RUNX2: variants seen among roughly 807,000 people sequenced by gnomAD.
RUNX2 encodes RUNX family transcription factor 2.
A neutral mutation model predicts 51.7 loss-of-function variants in RUNX2; 10 were observed. The ratio of observed to expected loss-of-function variants is 0.19; its 90% confidence interval spans 0.12 to 0.33. RUNX2 has a LOEUF of 0.33. RUNX2 is among the 10% of genes least tolerant of loss of function. The pLI is 1.00. For missense variants in RUNX2, 562 were observed against 691.3 expected (o/e 0.81, Z 2.10); for synonymous variants, 276 against 273.6 (o/e 1.01, Z -0.09).
Position 45,454,720 on chromosome 6 carries a change from G to C in RUNX2, c.685+16669G>C, listed in dbSNP as rs79643865. 6.4e-3 allele frequency among the ~76,000 whole-genome samples: 971 copies of C among 152,254 alleles called. 9 individuals carry two copies. Among genetic ancestry groups the C allele is most frequent in the African/African-American group, 0.022 (909 of 41,534 alleles). On this transcript the variant is annotated intron_variant, in intron 5 of 8. Coordinates refer to ENST00000647337, the MANE Select transcript of RUNX2 (RefSeq NM_001024630.4). ...TATGTACTTTTGTTACAGCAATGAG[G>C]TCCTCCAGCTGAACCATAGCTGAGT...
intron 2 of RUNX2, among the ~76,000 whole-genome samples, chr6:45,348,674 C>CAA (rs574845659): frequency 1.5e-3 from 115 of 75,984 alleles, no homozygotes; most frequent in Middle Eastern, 8.1e-3. Context: ...AACTCCAACT[C>CAA]AAAAAAAAAA....
chr6:45,379,446 G>C (rs150991334), intron 2 of RUNX2, among the ~76,000 whole-genome samples: 131 of 152,296 alleles, frequency 8.6e-4, no homozygotes, highest in African/African-American at 3.1e-3. Flanking sequence ...ATTATGTTCA[G>C]TTAATGTTAT....
At chr6:45,440,507 G>A (rs746617160) in intron 5 of RUNX2, among the ~76,000 whole-genome samples, 4 of 152,210 alleles carry the variant, frequency 2.6e-5, no homozygotes, top group Admixed American at 2.6e-4. Flanking sequence ...TCTGTGGGCC[G>A]TATGGTGGTC....
At chr6:45,429,430 T>C (rs764127591) in intron 3 of RUNX2, among the ~76,000 whole-genome samples, 1 of 152,220 alleles carries the variant, frequency 6.6e-6, no homozygotes, top group Non-Finnish European at 1.5e-5. Context: ...TTTGGCATGG[T>C]GAATTTGAAA....
intron 5 of RUNX2, among the ~76,000 whole-genome samples, chr6:45,483,921 C>T (rs1687498904): frequency 6.6e-6 from 1 of 152,184 alleles, no homozygotes; most frequent in African/African-American, 2.4e-5. Flanking sequence ...AGTGACAACG[C>T]ATATTGCGAC....
chr6:45,446,638 G>C (rs1023751567), intron 5 of RUNX2, among the ~76,000 whole-genome samples: 18 of 151,846 alleles, frequency 1.2e-4, no homozygotes, highest in Admixed American at 1.1e-3. Flanking sequence ...CCAGTGAATA[G>C]GACATACTTA....
At position 45,425,233 on chromosome 6, in the gene RUNX2, T is replaced by TC. The variant is rs1229544144; in HGVS notation, c.423+2277dup. ...ATATTTAAGGTCTATCTTGAACTGT[T>TC]CTCTTGCATTTATGCGGCTGAATTG... On this transcript the variant is annotated intron_variant, in intron 3 of 8. Transcript: ENST00000647337. Among the ~76,000 whole-genome samples the TC allele has an allele frequency of 3.9e-5, 6 of 152,246 alleles. No homozygotes were observed. In the East Asian group the frequency reaches 1.2e-3, roughly 29 times the overall value.
Position 45,422,864 on chromosome 6 carries a change from G to A in RUNX2, c.330G>A (p.Pro110=), listed in dbSNP as rs907679511. ...RTMVEIIADH[P]AELVRTDSPN... Reference sequence around the variant, plus strand: ...TGGTGGAGATCATCGCCGACCACCCGGCCGAACTCGTCCGCACCGACAGCC... The same window carrying A: ...TGGTGGAGATCATCGCCGACCACCCAGCCGAACTCGTCCGCACCGACAGCC... Residue 110 remains proline, a synonymous_variant, in exon 3 of 9, where the codon CCG becomes CCA. Coordinates refer to ENST00000647337, the MANE Select transcript of RUNX2 (RefSeq NM_001024630.4). The A allele has an allele frequency of 1.9e-6, 3 of 1,611,728 alleles. No homozygotes were observed. Among genetic ancestry groups the A allele is most frequent in the South Asian group, 2.2e-5 (2 of 91,026 alleles).
rs191996120 is a variant in RUNX2 at position 45,548,776 on chromosome 6, C to T, written c.*1471C>T. On this transcript the variant is annotated 3_prime_UTR_variant, in exon 9 of 9. Transcript: ENST00000647337. ...CACCTAGTACAGGAGAGCAAAATTG[C>T]ACCAGAGATTCTTAACCAACCAGCC... 2.9e-4 allele frequency: 53 copies of T among 185,922 alleles called. No individual in the cohort carries two copies. The highest frequency in any genetic ancestry group is 1.2e-3 in the African/African-American group (52 of 43,010). 11.5% of individuals were successfully genotyped at this position (185,922 alleles called of 1,614,324 possible). A position where few individuals can be genotyped will look rare whatever the true frequency, so the allele number is the denominator to read the frequency against.
At chr6:45,400,640 C>T (rs923776560) in intron 2 of RUNX2, among the ~76,000 whole-genome samples, 5 of 152,166 alleles carry the variant, frequency 3.3e-5, no homozygotes, top group African/African-American at 7.2e-5. Flanking sequence ...AATTTGGGTT[C>T]TTCCCATTGT....
chr6:45,421,233 A>C (rs1798178685), intron 2 of RUNX2: 2 of 152,210 alleles, frequency 1.3e-5, no homozygotes, highest in Admixed American at 1.3e-4. Context: ...TTTGCAACTT[A>C]TTTTAATCAC....
chr6:45,451,909 G>A lies in RUNX2; in HGVS notation c.685+13858G>A, dbSNP rs142148065. Among the ~76,000 whole-genome samples the A allele has an allele frequency of 2.4e-4, 37 of 152,242 alleles. No homozygotes were observed. In the East Asian group the frequency reaches 3.9e-3, roughly 16 times the overall value. On this transcript the variant is annotated intron_variant, in intron 5 of 8. Coordinates refer to ENST00000647337, the MANE Select transcript of RUNX2 (RefSeq NM_001024630.4). ...CATTATAATTCTGAAGCTCAGACTC[G>A]CAGAGGTTTGTGGACATAAATAATG... is the stretch of plus-strand genomic sequence containing the variant.
chr6:45,376,557 A>G (rs985970038), intron 2 of RUNX2, among the ~76,000 whole-genome samples: 3 of 152,248 alleles, frequency 2.0e-5, no homozygotes, highest in African/African-American at 7.2e-5. Context: ...GAACATCTCC[A>G]TCAAGGCAGA....
At chr6:45,357,380 G>C (rs556300069) in intron 2 of RUNX2, among the ~76,000 whole-genome samples, 2 of 152,048 alleles carry the variant, frequency 1.3e-5, no homozygotes, top group African/African-American at 4.8e-5. Flanking sequence ...ACCCAGGCTG[G>C]AGAACAGTGG....
At chr6:45,337,481 AT>A (rs1472026349) in intron 2 of RUNX2, among the ~76,000 whole-genome samples, 1 of 151,618 alleles carries the variant, frequency 6.6e-6, no homozygotes, top group African/African-American at 2.4e-5. Context: ...AGAAAATCTT[AT>A]TTTTTTAAGC....
At chr6:45,512,813 G>C (rs1801201446) in intron 7 of RUNX2, among the ~76,000 whole-genome samples, 1 of 151,934 alleles carries the variant, frequency 6.6e-6, no homozygotes, top group Non-Finnish European at 1.5e-5. Context: ...ATTCCTAAAG[G>C]CTTATAAGTC....
At chr6:45,479,959 G>T (rs1800063825) in intron 5 of RUNX2, among the ~76,000 whole-genome samples, 1 of 152,178 alleles carries the variant, frequency 6.6e-6, no homozygotes, top group Admixed American at 6.5e-5. Flanking sequence ...CACCTTTAGT[G>T]ACAGAGTGGC....
chr6:45,523,436 A>G (rs1801569234), intron 7 of RUNX2, among the ~76,000 whole-genome samples: 1 of 151,730 alleles, frequency 6.6e-6, no homozygotes, highest in East Asian at 2.0e-4. Context: ...CTGGCTAACT[A>G]ATACAAAAAT....
intron 2 of RUNX2, among the ~76,000 whole-genome samples, chr6:45,352,991 T>C (rs1792381530): frequency 6.6e-6 from 1 of 152,078 alleles, no homozygotes; most frequent in Admixed American, 6.6e-5. Flanking sequence ...CACAGCACAA[T>C]TCTACATTCT....
Sources: allele counts gnomAD v4.1 joint callset (sites outside exome capture counted in the v4.1 genomes callset), GRCh38; gene constraint gnomAD v4.1.1; transcripts MANE v1.5; gene names NCBI Gene and HGNC (gene_info 2026-07-23, HGNC 2026-07-21).